The following RAB33B variants were observed in gnomAD, a reference collection of about 807,000 sequenced individuals.
RAB33B encodes ras-related protein Rab-33B.
Under a neutral mutation model 15.0 loss-of-function variants are expected in RAB33B, and 6 were observed. The observed-to-expected ratio is 0.40, with a 90% confidence interval of 0.22 to 0.79. RAB33B has a LOEUF of 0.79. RAB33B is among the 30% of genes least tolerant of loss of function. The pLI, the probability that RAB33B is intolerant of heterozygous loss-of-function variation, is 0.37. For synonymous variants in RAB33B, 117 were observed against 108.3 expected (o/e 1.08, Z -0.50); for missense variants, 257 against 296.4 (o/e 0.87, Z 0.98).
chr4:139,441,842 G>A, the RAB33B span, among the ~76,000 whole-genome samples: 1 of 152,162 alleles, frequency 6.6e-6, no homozygotes, highest in Non-Finnish European at 1.5e-5. Flanking sequence ...TCTAGGTGAG[G>A]AGACAGATTT....
chr4:139,439,480 T>G, the RAB33B span, among the ~76,000 whole-genome samples: 1 of 152,270 alleles, frequency 6.6e-6, no homozygotes, highest in African/African-American at 2.4e-5. Flanking sequence ...TTCTGATAGT[T>G]TGATTATAAT....
At chr4:139,467,429 A>G (rs1750311530) in intron 1 of RAB33B, among the ~76,000 whole-genome samples, 1 of 136,616 alleles carries the variant, frequency 7.3e-6, no homozygotes, top group Non-Finnish European at 1.6e-5. Flanking sequence ...TAGTTTTTAA[A>G]AGTTTTTGTG....
At chr4:139,457,040 A>C (rs1201719883) in intron 1 of RAB33B, among the ~76,000 whole-genome samples, 1 of 152,206 alleles carries the variant, frequency 6.6e-6, no homozygotes, top group Non-Finnish European at 1.5e-5. Flanking sequence ...TTACTAGTAA[A>C]ATGCCATTCT....
intron 1 of RAB33B, among the ~76,000 whole-genome samples, chr4:139,466,832 G>A (rs956478147): frequency 1.3e-5 from 2 of 151,674 alleles, no homozygotes; most frequent in African/African-American, 4.8e-5. Flanking sequence ...TGCCCACCTC[G>A]GCCTCCCAAA....
upstream of RAB33B, chr4:139,449,567 C>T (rs1749883508): frequency 6.6e-6 from 1 of 152,118 alleles, no homozygotes; most frequent in Admixed American, 6.6e-5. Flanking sequence ...GGCAGAAAAA[C>T]ATGAAAAGAC....
At chr4:139,452,820 G>T (rs1043611642), upstream of RAB33B, 13 of 152,134 alleles carry the variant, frequency 8.5e-5, no homozygotes, top group Non-Finnish European at 2.9e-5. Flanking sequence ...TCCTTTCCTA[G>T]AACTTTTAGT....
chr4:139,469,068 T>C (rs1002201040), intron 1 of RAB33B, among the ~76,000 whole-genome samples: 1 of 152,200 alleles, frequency 6.6e-6, no homozygotes, highest in Non-Finnish European at 1.5e-5. Flanking sequence ...TTTGGTGTTC[T>C]ATAACTTTCT....
upstream of RAB33B, chr4:139,449,756 CATATATAT>C (rs10536077): frequency 3.4e-5 from 5 of 146,296 alleles, no homozygotes; most frequent in African/African-American, 1.2e-4. Flanking sequence ...TAATAAACTC[CATATATAT>C]ATATATATAT....
At chr4:139,472,171 A>T (rs554239430) in intron 1 of RAB33B, among the ~76,000 whole-genome samples, 31 of 152,248 alleles carry the variant, frequency 2.0e-4, no homozygotes, top group African/African-American at 7.0e-4. Flanking sequence ...ATTTTTATTC[A>T]TGATTTTTTT....
the RAB33B span, among the ~76,000 whole-genome samples, chr4:139,440,971 A>G: frequency 6.6e-6 from 1 of 151,968 alleles, no homozygotes; most frequent in Non-Finnish European, 1.5e-5. Context: ...AATGCTATAG[A>G]TTGGCTATTT....
chr4:139,474,890 C>T lies in RAB33B; in HGVS notation c.*1764C>T, dbSNP rs945128885. 6.6e-6 allele frequency: 1 copy of T among 152,418 alleles called. No individual in the cohort carries two copies. Among genetic ancestry groups the T allele is most frequent in the Non-Finnish European group, 1.5e-5 (1 of 67,942 alleles). 9.4% of individuals were successfully genotyped at this position (152,418 alleles called of 1,614,324 possible). ...ATTAAGCCAAATGATTATTGTACTA[C>T]AGTATTTTCAGAATATGGGAAATCA... On this transcript the variant is annotated 3_prime_UTR_variant, in exon 2 of 2. Coordinates refer to ENST00000305626, the MANE Select transcript of RAB33B (RefSeq NM_031296.3).
intron 1 of RAB33B, among the ~76,000 whole-genome samples, chr4:139,459,948 C>T (rs1750141780): frequency 1.3e-5 from 2 of 152,140 alleles, no homozygotes; most frequent in South Asian, 4.1e-4. Context: ...GTTCTTAAAC[C>T]ACATAGTAAG....
At chr4:139,451,801 A>G (rs1196337162), upstream of RAB33B, 2 of 152,258 alleles carry the variant, frequency 1.3e-5, no homozygotes, top group African/African-American at 2.4e-5. Flanking sequence ...ATCCAAATTT[A>G]CAGTTTCTGC....
At chr4:139,447,018 G>A in the RAB33B span, among the ~76,000 whole-genome samples, 46 of 152,294 alleles carry the variant, frequency 3.0e-4, no homozygotes, top group African/African-American at 1.1e-3. Context: ...TGCCTATCCT[G>A]CATGCAATGC....
chr4:139,472,897 G>A lies in RAB33B; in HGVS notation c.461G>A (p.Ser154Asn). 1 of 1,614,180 alleles carries A rather than the reference G, an allele frequency of 6.2e-7. No individual in the cohort carries two copies. Among genetic ancestry groups the A allele is most frequent in the Admixed American group, 1.7e-5 (1 of 60,024 alleles). Reference sequence around the variant, plus strand: ...GTTGGAAATAAATGTGACTTGAGAAGTGCCATACAGGTACCCACAGACTTG... The same window carrying A: ...GTTGGAAATAAATGTGACTTGAGAAATGCCATACAGGTACCCACAGACTTG... ...ILVGNKCDLR[S>N]AIQVPTDLAQ... Residue 154 changes from serine (S) to asparagine (N), a missense_variant, in exon 2 of 2, where the codon AGT (serine) becomes AAT (asparagine). Physicochemically the swap from Ser to Asn is conservative, Grantham distance 46. Coordinates refer to ENST00000305626, the MANE Select transcript of RAB33B (RefSeq NM_031296.3).
intron 1 of RAB33B, among the ~76,000 whole-genome samples, chr4:139,455,798 T>C (rs927213485): frequency 1.3e-5 from 2 of 152,158 alleles, no homozygotes; most frequent in African/African-American, 2.4e-5. Context: ...GGAGTTAAGA[T>C]TGGGAGAAGC....
At chr4:139,464,151 C>T (rs936353796) in intron 1 of RAB33B, among the ~76,000 whole-genome samples, 8 of 152,090 alleles carry the variant, frequency 5.3e-5, no homozygotes, top group South Asian at 2.1e-4. Context: ...TCTGGTGACA[C>T]GCGCCTGTGG....
At position 139,472,688 on chromosome 4, in the gene RAB33B, C is replaced by G; in HGVS notation, c.252C>G (p.Ile84Met). The change falls in exon 2 of 2, where the codon ATC becomes ATG. Residue 84 changes from isoleucine (I) to methionine (M), a missense_variant and splice_region_variant. Coordinates refer to ENST00000305626, the MANE Select transcript of RAB33B (RefSeq NM_031296.3). ...AVEIDGERIKIQLWDTAGQER... is the reference protein window; with the variant it reads ...AVEIDGERIKMQLWDTAGQER... Reference sequence around the variant, plus strand: ...CCTCTTTTTCTTCCCATTTTTAGATCCAGCTATGGGACACAGCAGGACAAG... The same window carrying G: ...CCTCTTTTTCTTCCCATTTTTAGATGCAGCTATGGGACACAGCAGGACAAG... 1 of 1,568,460 alleles carries G rather than the reference C, an allele frequency of 6.4e-7. No individual in the cohort carries two copies. The highest frequency in any genetic ancestry group is 1.2e-5 in the South Asian group (1 of 86,358).
the RAB33B span, among the ~76,000 whole-genome samples, chr4:139,447,246 A>G: frequency 6.6e-6 from 1 of 152,174 alleles, no homozygotes. Flanking sequence ...CACAATTACA[A>G]CATCAACCAG....
Sources: gnomAD v4.1 joint callset for allele counts (sites outside exome capture counted in the v4.1 genomes callset) on GRCh38, gnomAD v4.1.1 for gene constraint, MANE v1.5 for transcripts, NCBI Gene and HGNC (gene_info 2026-07-23, HGNC 2026-07-21) for gene names.